LRRC31: variants seen among roughly 807,000 people sequenced by gnomAD.
LRRC31 encodes leucine-rich repeat-containing protein 31.
Under a neutral mutation model 46.7 loss-of-function variants are expected in LRRC31, and 35 were observed. That is an observed-to-expected ratio of 0.75 (90% CI 0.57 to 0.99). The LOEUF is 0.99. LRRC31 is among the 50% of genes least tolerant of loss of function. The probability of loss-of-function intolerance (pLI) is 0.00; values close to 1 mark genes in which losing one functional copy is unlikely to be tolerated. For synonymous variants in LRRC31, 236 were observed against 235.1 expected (o/e 1.00, Z -0.03); for missense variants, 613 against 626.1 (o/e 0.98, Z 0.22).
chr3:169,865,255 A>G (rs1781295852), intron 1 of LRRC31, among the ~76,000 whole-genome samples: 1 of 151,952 alleles, frequency 6.6e-6, no homozygotes, highest in Non-Finnish European at 1.5e-5. Flanking sequence ...ATCTCAAAAA[A>G]AAAAAAAAGA....
intron 8 of LRRC31, among the ~76,000 whole-genome samples, chr3:169,846,825 T>C (rs961983326): frequency 3.3e-5 from 5 of 152,226 alleles, no homozygotes; most frequent in Non-Finnish European, 7.3e-5. Flanking sequence ...TATGTAAAAC[T>C]GTATTGCTAT....
intron 8 of LRRC31, among the ~76,000 whole-genome samples, chr3:169,847,503 G>A (rs1210554302): frequency 6.6e-6 from 1 of 152,192 alleles, no homozygotes; most frequent in East Asian, 1.9e-4. Context: ...TGATTTTAGG[G>A]AATATTTGGG....
intron 3 of LRRC31, among the ~76,000 whole-genome samples, chr3:169,857,727 A>C (rs1781012770): frequency 1.3e-5 from 2 of 152,180 alleles, no homozygotes; most frequent in Admixed American, 6.6e-5. Context: ...TGTGCAAACA[A>C]TTAAGCATTC....
intron 1 of LRRC31, among the ~76,000 whole-genome samples, chr3:169,865,118 G>A (rs9831950): frequency 0.26 from 38,560 of 151,148 alleles, 5,822 homozygotes; most frequent in African/African-American, 0.42. Context: ...CCAGTGTAGT[G>A]GCGGGTGCCT....
chr3:169,846,511 G>A (rs9863225), intron 8 of LRRC31, among the ~76,000 whole-genome samples: 7,050 of 152,258 alleles, frequency 0.046, 405 homozygotes, highest in African/African-American at 0.13. Flanking sequence ...TTAGCCAGGC[G>A]TGGTGGCATG....
chr3:169,853,642 C>T (rs1002620756), intron 6 of LRRC31: 70 of 985,646 alleles, frequency 7.1e-5, no homozygotes, highest in Non-Finnish European at 8.1e-5. Flanking sequence ...TAATGCTCCA[C>T]GCAAAGCTCA....
intron 7 of LRRC31, among the ~76,000 whole-genome samples, chr3:169,850,704 A>G (rs4955676): frequency 0.31 from 47,484 of 152,058 alleles, 7,871 homozygotes; most frequent in East Asian, 0.62. Context: ...CATGCCTTAT[A>G]CAGTTATAAG....
chr3:169,865,114 T>C (rs190647900), intron 1 of LRRC31, among the ~76,000 whole-genome samples: 3 of 150,542 alleles, frequency 2.0e-5, no homozygotes, highest in African/African-American at 7.3e-5. Context: ...TAGCCCAGTG[T>C]AGTGGCGGGT....
In LRRC31 at chr3:169,851,766, A is replaced by G; in HGVS notation, c.1012T>C (p.Ser338Pro). The change falls in exon 7 of 9, where the codon TCA becomes CCA. Residue 338 changes from serine (S) to proline (P), a missense_variant. Ser to Pro is a moderately conservative substitution (Grantham distance 74, BLOSUM62 -1). Transcript: ENST00000316428. ...MSLTQVIPLL[S>P]NLQELDLSAN... ...GATAAATCCAATTCTTGAAGATTTG[A>G]AAGTAAAGGAATGACCTGGGCTGTT... The G allele has an allele frequency of 1.2e-6, 2 of 1,614,182 alleles. No homozygotes were observed. The highest frequency in any genetic ancestry group is 1.7e-6 in the Non-Finnish European group (2 of 1,180,016).
intron 6 of LRRC31, chr3:169,853,559 G>A: frequency 1.0e-6 from 1 of 985,704 alleles, no homozygotes; most frequent in Non-Finnish European, 1.2e-6. Flanking sequence ...GAATCTGGTG[G>A]GCTAATAACT....
chr3:169,847,370 A>C (rs757366502), intron 8 of LRRC31, among the ~76,000 whole-genome samples: 47 of 152,104 alleles, frequency 3.1e-4, no homozygotes, highest in Non-Finnish European at 3.2e-4. Flanking sequence ...TTTTTAGTAG[A>C]GATGGGGTTT....
rs746799401 is a variant in LRRC31, at chr3:169,856,352, C to G, written c.807G>C (p.Lys269Asn). The G allele has an allele frequency of 6.9e-6, 11 of 1,585,202 alleles. No individual in the cohort carries two copies. The African/African-American group carries it at 1.1e-4, about 16-fold the overall frequency. ...TTAACTCACCCAATATTTTGACACT[C>G]TTTTGTGATAATCCACATGAATGTA... is the stretch of plus-strand genomic sequence containing the variant. ...LKLHSCGLSQ[K>N]SVKILDAAFR... is the part of the protein sequence containing the mutation. The change falls in exon 5 of 9, where the codon AAG (lysine) becomes AAC (asparagine). Residue 269 changes from lysine to asparagine, a missense_variant. Physicochemically the swap from Lys to Asn is moderately conservative, Grantham distance 94. Transcript: ENST00000316428.
intron 5 of LRRC31, among the ~76,000 whole-genome samples, chr3:169,855,278 A>C (rs1780909999): frequency 6.6e-6 from 1 of 152,116 alleles, no homozygotes; most frequent in Admixed American, 6.5e-5. Context: ...ACATATCGCA[A>C]GGTGGTAAGA....
In LRRC31 at chr3:169,856,492, G is replaced by T; in HGVS notation, c.667C>A (p.Pro223Thr). 6.3e-7 allele frequency: 1 copy of T among 1,597,450 alleles called. No homozygotes were observed. Among genetic ancestry groups the T allele is most frequent in the South Asian group, 1.1e-5 (1 of 87,992 alleles). Reference protein sequence around the residue: ...EDGTFLGQLLPMLQSLEVLDL... With the variant: ...EDGTFLGQLLTMLQSLEVLDL... ...AGTACTTCGAGACTTTGCAGCATAGGTAGCAGTTGACCTAGAAGGAAAGAA... is the reference window on the plus strand; with the variant it reads ...AGTACTTCGAGACTTTGCAGCATAGTTAGCAGTTGACCTAGAAGGAAAGAA... Residue 223 changes from proline (P) to threonine (T), a missense_variant, in exon 5 of 9, where the codon CCT (proline) becomes ACT (threonine). Transcript: ENST00000316428.
chr3:169,861,849 T>C (rs1454901082), intron 1 of LRRC31, 36 bp from the exon 2 acceptor site: 1 of 1,602,292 alleles, frequency 6.2e-7, no homozygotes. Context: ...TTGCTGTTAA[T>C]GATGGATGTA....
At chr3:169,849,011 T>C (rs1780682891) in intron 7 of LRRC31, among the ~76,000 whole-genome samples, 1 of 152,236 alleles carries the variant, frequency 6.6e-6, no homozygotes, top group Non-Finnish European at 1.5e-5. Flanking sequence ...CTTATTTGTA[T>C]TTACTTCACG....
chr3:169,856,744 CA>C lies in LRRC31; in HGVS notation c.615del (p.Val206TrpfsTer38). ...TCTTCTGACGTGAGGGAGCAATCCACAAGCTCAATCATTTGTATCTTGCTCC... is the reference window on the plus strand; with the variant it reads ...TCTTCTGACGTGAGGGAGCAATCCACAGCTCAATCATTTGTATCTTGCTCC... Reference protein sequence around the residue: ...QKGSKIQMIELVDCSLTSEDG... With the variant: ...QKGSKIQMIEXVDCSLTSEDG... On this transcript the variant is annotated frameshift_variant, in exon 4 of 9. Transcript: ENST00000316428. LOFTEE classifies it high-confidence loss of function. 6.2e-7 allele frequency: 1 copy of C among 1,605,136 alleles called. No individual in the cohort carries two copies. Among genetic ancestry groups the C allele is most frequent in the Non-Finnish European group, 8.5e-7 (1 of 1,175,802 alleles).
chr3:169,845,128 C>A (rs1317260129), intron 8 of LRRC31, among the ~76,000 whole-genome samples: 1 of 151,948 alleles, frequency 6.6e-6, no homozygotes, highest in Non-Finnish European at 1.5e-5. Context: ...TAAACAGTAT[C>A]TTTTATAAGA....
chr3:169,846,508 G>T (rs1245763866), intron 8 of LRRC31, among the ~76,000 whole-genome samples: 3 of 152,148 alleles, frequency 2.0e-5, no homozygotes. Flanking sequence ...AAATTAGCCA[G>T]GCGTGGTGGC....
Sources: allele counts gnomAD v4.1 joint callset (sites outside exome capture counted in the v4.1 genomes callset), GRCh38; gene constraint gnomAD v4.1.1; transcripts MANE v1.5; gene names NCBI Gene and HGNC (gene_info 2026-07-23, HGNC 2026-07-21).